The following ZNF385D variants were observed in gnomAD, a reference collection of about 807,000 sequenced individuals.
ZNF385D encodes zinc finger protein 659.
A neutral mutation model predicts 35.8 loss-of-function variants in ZNF385D; 15 were observed. That is an observed-to-expected ratio of 0.42 (90% CI 0.28 to 0.64). The LOEUF is 0.64. ZNF385D is among the 30% of genes least tolerant of loss of function. The pLI is 0.23. For missense variants in ZNF385D, 474 were observed against 494.6 expected, an observed-to-expected ratio of 0.96 and a Z score of 0.39; for synonymous variants, 212 against 186.8, an observed-to-expected ratio of 1.13 and a Z score of -1.10.
At chr3:22,206,277 T>C (rs1222327189) in intron 2 of ZNF385D, among the ~76,000 whole-genome samples, 1 of 151,904 alleles carries the variant, frequency 6.6e-6, no homozygotes, top group Non-Finnish European at 1.5e-5. Context: ...CCCAGATATA[T>C]AAAGCAAATA....
chr3:22,336,909 CAAAAAAAAAAAAAA>C (rs59822476), intron 2 of ZNF385D, among the ~76,000 whole-genome samples: 28 of 47,962 alleles, frequency 5.8e-4, no homozygotes, highest in East Asian at 1.5e-3. Context: ...AGTGATTTTT[CAAAAAAAAAAAAAA>C]AAAAAAAAAA....
intron 3 of ZNF385D, among the ~76,000 whole-genome samples, chr3:22,079,589 T>A (rs1700641141): frequency 6.6e-6 from 1 of 151,956 alleles, no homozygotes; most frequent in African/African-American, 2.4e-5. Flanking sequence ...CAGAGCTTTT[T>A]TATTATTGGG....
chr3:21,816,994 C>A (rs1050393093), intron 3 of ZNF385D, among the ~76,000 whole-genome samples: 2 of 152,094 alleles, frequency 1.3e-5, no homozygotes, highest in African/African-American at 4.8e-5. Flanking sequence ...ACATATAGAC[C>A]AATGGAACAG....
chr3:22,008,360 C>CATTTTT (rs773952386), intron 3 of ZNF385D, among the ~76,000 whole-genome samples: 12 of 131,942 alleles, frequency 9.1e-5, no homozygotes, highest in African/African-American at 9.1e-5. Context: ...CCATGATTTT[C>CATTTTT]TTTTTTTTTT....
At chr3:21,961,133 T>C (rs1033305912) in intron 3 of ZNF385D, among the ~76,000 whole-genome samples, 1 of 152,036 alleles carries the variant, frequency 6.6e-6, no homozygotes, top group African/African-American at 2.4e-5. Flanking sequence ...CTGATTTGAG[T>C]ATTATACACT....
At chr3:22,351,423 T>C (rs1333259473) in intron 2 of ZNF385D, among the ~76,000 whole-genome samples, 2 of 152,220 alleles carry the variant, frequency 1.3e-5, no homozygotes, top group East Asian at 3.9e-4. Context: ...ACACAAGAGA[T>C]ATAAATAATA....
chr3:22,349,413 T>C (rs982569663), intron 2 of ZNF385D, among the ~76,000 whole-genome samples: 1 of 152,208 alleles, frequency 6.6e-6, no homozygotes, highest in Non-Finnish European at 1.5e-5. Context: ...GTAGTTGTTT[T>C]GAGTTCTAGT....
intron 3 of ZNF385D, among the ~76,000 whole-genome samples, chr3:21,803,822 G>A (rs937070651): frequency 6.6e-6 from 1 of 152,190 alleles, no homozygotes; most frequent in African/African-American, 2.4e-5. Context: ...ATCTTGGAAA[G>A]CAAACTGGTG....
chr3:22,163,156 T>C (rs1576427057), intron 3 of ZNF385D, among the ~76,000 whole-genome samples: 1 of 151,998 alleles, frequency 6.6e-6, no homozygotes, highest in Non-Finnish European at 1.5e-5. Flanking sequence ...TCAGAGGAGG[T>C]AGTTCCCATG....
intron 3 of ZNF385D, among the ~76,000 whole-genome samples, chr3:22,069,542 CTG>C (rs1378850938): frequency 3.9e-5 from 6 of 152,048 alleles, no homozygotes; most frequent in Admixed American, 6.6e-5. Context: ...CTTTGAAAAA[CTG>C]AAGCTATTAG....
intron 3 of ZNF385D, among the ~76,000 whole-genome samples, chr3:21,858,226 G>C (rs547419435): frequency 6.6e-6 from 1 of 151,112 alleles, no homozygotes; most frequent in Non-Finnish European, 1.5e-5. Context: ...AAAAAGTCAA[G>C]GTCACAAAAT....
chr3:21,436,050 G>C (rs1281879420), intron 5 of ZNF385D, among the ~76,000 whole-genome samples: 2 of 152,156 alleles, frequency 1.3e-5, no homozygotes, highest in Non-Finnish European at 2.9e-5. Context: ...GTTGCTGACA[G>C]AGTCCTGGCA....
Position 21,638,464 on chromosome 3 carries a change from C to T in ZNF385D, c.165+26422G>A, listed in dbSNP as rs113373242. Among the ~76,000 whole-genome samples the T allele has an allele frequency of 3.5e-3, 538 of 152,176 alleles. 4 individuals carry two copies. Among genetic ancestry groups the T allele is most frequent in the African/African-American group, 0.012 (500 of 41,540 alleles). The stretch of plus-strand genomic sequence containing the variant: ...CAGAGGTCCTCAGCTGTGATACAAA[C>T]CCAGTACATGTGCAGCATCCACCTG... On this transcript the variant is annotated intron_variant, in intron 2 of 7. Coordinates refer to ENST00000281523, the MANE Select transcript of ZNF385D (RefSeq NM_024697.3).
chr3:22,043,926 C>G (rs1176501945), intron 3 of ZNF385D, among the ~76,000 whole-genome samples: 1 of 152,028 alleles, frequency 6.6e-6, no homozygotes, highest in Non-Finnish European at 1.5e-5. Flanking sequence ...CAACCAACAG[C>G]TAGCAAGGAC....
At chr3:22,034,031 TG>T (rs1559319921) in intron 3 of ZNF385D, among the ~76,000 whole-genome samples, 1 of 152,200 alleles carries the variant, frequency 6.6e-6, no homozygotes, top group Non-Finnish European at 1.5e-5. Flanking sequence ...CAGAGAACCC[TG>T]TAAGTCCTGA....
chr3:22,039,114 G>T (rs1022767804), intron 3 of ZNF385D, among the ~76,000 whole-genome samples: 1 of 151,890 alleles, frequency 6.6e-6, no homozygotes, highest in East Asian at 1.9e-4. Context: ...GAACGAGCCA[G>T]AAGTGGAAGC....
At chr3:21,961,548 G>A (rs569257347) in intron 3 of ZNF385D, 1 of 152,182 alleles carries the variant, frequency 6.6e-6, no homozygotes, top group Non-Finnish European at 1.5e-5. Flanking sequence ...AAACTATAGT[G>A]ATAAATAAAT....
intron 4 of ZNF385D, among the ~76,000 whole-genome samples, chr3:21,491,337 G>A (rs1705410077): frequency 1.3e-5 from 2 of 151,762 alleles, no homozygotes; most frequent in African/African-American, 4.8e-5. Flanking sequence ...ATCAATAATG[G>A]GCAGCATCAA....
chr3:21,935,042 G>C (rs1701192961), intron 3 of ZNF385D, among the ~76,000 whole-genome samples: 1 of 152,110 alleles, frequency 6.6e-6, no homozygotes, highest in Non-Finnish European at 1.5e-5. Context: ...TTGCTATAAA[G>C]GATCCTCCTT....
Sources: gnomAD v4.1 joint callset for allele counts (sites outside exome capture counted in the v4.1 genomes callset) on GRCh38, gnomAD v4.1.1 for gene constraint, MANE v1.5 for transcripts, NCBI Gene and HGNC (gene_info 2026-07-23, HGNC 2026-07-21) for gene names.